The following EPB41L4A variants were observed in gnomAD, a reference collection of about 807,000 sequenced individuals.
EPB41L4A encodes the protein band 4.1-like protein 4A.
A neutral mutation model predicts 108.6 loss-of-function variants in EPB41L4A; 100 were observed. The observed-to-expected ratio is 0.92, with a 90% confidence interval of 0.78 to 1.09. The LOEUF (loss-of-function observed/expected upper bound fraction) is 1.09. EPB41L4A is among the 50% of genes least tolerant of loss of function. EPB41L4A has a pLI of 0.00. For synonymous variants in EPB41L4A, 319 were observed against 289.0 expected (o/e 1.10, Z -1.05); for missense variants, 1,030 against 842.7 (o/e 1.22, Z -2.75).
At chr5:112,261,822 C>T (rs983716958) in intron 7 of EPB41L4A, among the ~76,000 whole-genome samples, 17 of 151,352 alleles carry the variant, frequency 1.1e-4, no homozygotes, top group Admixed American at 7.2e-4. Context: ...TGTTTTGCTG[C>T]CATAAAATCT....
At chr5:112,277,988 T>C (rs1463448405) in intron 3 of EPB41L4A, among the ~76,000 whole-genome samples, 1 of 152,234 alleles carries the variant, frequency 6.6e-6, no homozygotes, top group Non-Finnish European at 1.5e-5. Flanking sequence ...GAATCCTCTA[T>C]ATTTTGTGTA....
At chr5:112,242,172 C>A (rs981504045) in intron 9 of EPB41L4A, among the ~76,000 whole-genome samples, 6 of 152,172 alleles carry the variant, frequency 3.9e-5, no homozygotes, top group Non-Finnish European at 8.8e-5. Flanking sequence ...AGAAAGATTT[C>A]TCTGCAGCAC....
intron 11 of EPB41L4A, among the ~76,000 whole-genome samples, chr5:112,239,067 G>T (rs1749580342): frequency 6.6e-6 from 1 of 152,150 alleles, no homozygotes; most frequent in Non-Finnish European, 1.5e-5. Flanking sequence ...CTGGAGAAGG[G>T]ACTTGACCTC....
At chr5:112,343,514 T>C (rs1757452959) in intron 1 of EPB41L4A, among the ~76,000 whole-genome samples, 1 of 152,092 alleles carries the variant, frequency 6.6e-6, no homozygotes, top group African/African-American at 2.4e-5. Context: ...ACACAGCAAG[T>C]ACTCAAGTTT....
intron 1 of EPB41L4A, among the ~76,000 whole-genome samples, chr5:112,330,555 C>A (rs1185758617): frequency 6.6e-6 from 1 of 151,966 alleles, no homozygotes; most frequent in African/African-American, 2.4e-5. Flanking sequence ...AAGTTATTAA[C>A]ATTATCAGAT....
chr5:112,255,008 T>C lies in EPB41L4A; in HGVS notation c.795+4221A>G, dbSNP rs993719341. 2.6e-5 allele frequency among the ~76,000 whole-genome samples: 4 copies of C among 152,072 alleles called. No individual in the cohort carries two copies. In the South Asian group the frequency reaches 8.3e-4, roughly 32 times the overall value. On this transcript the variant is annotated intron_variant, in intron 9 of 22. Transcript: ENST00000261486. ...GTCTTCTGTCTCCACTGTTCTTCCA[T>C]CTCTGAACCTAAAAGTGGGAAGGAT... is the stretch of plus-strand genomic sequence containing the variant.
In EPB41L4A at chr5:112,317,602, C is replaced by A. The variant is rs181150305; in HGVS notation, c.100-10112G>T. ...ATTAGTTTGTTATTTTTCATTTGCC[C>A]TTCTCTCACAATCATAGAGTTTTCT... is the stretch of plus-strand genomic sequence containing the variant. On this transcript the variant is annotated intron_variant, in intron 1 of 22. Coordinates refer to ENST00000261486, the MANE Select transcript of EPB41L4A (RefSeq NM_022140.5). 1.9e-3 allele frequency among the ~76,000 whole-genome samples: 295 copies of A among 152,192 alleles called. 1 individual carries two copies. The highest frequency in any genetic ancestry group is 2.7e-3 in the Admixed American group (41 of 15,294).
chr5:112,410,502 G>C (rs1363934928), intron 1 of EPB41L4A, among the ~76,000 whole-genome samples: 2 of 152,148 alleles, frequency 1.3e-5, no homozygotes, highest in Non-Finnish European at 2.9e-5. Flanking sequence ...AAACAATTTG[G>C]AAGATGTTTA....
chr5:112,276,458 T>C (rs1752636114), intron 3 of EPB41L4A, among the ~76,000 whole-genome samples: 1 of 152,224 alleles, frequency 6.6e-6, no homozygotes, highest in East Asian at 1.9e-4. Context: ...CAAAAGTGCA[T>C]ATTTCCAAGC....
At chr5:112,329,017 C>T (rs1756376172) in intron 1 of EPB41L4A, among the ~76,000 whole-genome samples, 1 of 152,168 alleles carries the variant, frequency 6.6e-6, no homozygotes, top group Non-Finnish European at 1.5e-5. Context: ...GCAACTTGAA[C>T]AGTGTGTGTT....
intron 12 of EPB41L4A, among the ~76,000 whole-genome samples, chr5:112,212,263 C>T (rs904510001): frequency 1.3e-5 from 2 of 151,400 alleles, no homozygotes; most frequent in Admixed American, 1.3e-4. Context: ...AGGTCCTAGA[C>T]AGTAGGTGTG....
chr5:112,188,790 G>C (rs559360015), intron 17 of EPB41L4A, among the ~76,000 whole-genome samples: 1 of 152,168 alleles, frequency 6.6e-6, no homozygotes, highest in South Asian at 2.1e-4. Context: ...CAAGCAAGAC[G>C]GAAGAAATGC....
At chr5:112,250,830 A>G (rs1750605627) in intron 9 of EPB41L4A, 1 of 152,142 alleles carries the variant, frequency 6.6e-6, no homozygotes, top group Non-Finnish European at 1.5e-5. Context: ...GGCCCAATAC[A>G]AAGGCAGTTC....
At chr5:112,198,085 G>A (rs1325093051) in intron 15 of EPB41L4A, among the ~76,000 whole-genome samples, 1 of 151,850 alleles carries the variant, frequency 6.6e-6, no homozygotes, top group East Asian at 1.9e-4. Context: ...CCAACCTGGA[G>A]TACAGTGGTG....
chr5:112,259,867 A>G (rs538307397), intron 8 of EPB41L4A, 24 bp downstream of exon 8: 1 of 1,581,446 alleles, frequency 6.3e-7, no homozygotes, highest in South Asian at 1.1e-5. Context: ...TAGAATGCCA[A>G]CTCTGTTCTC....
intron 1 of EPB41L4A, among the ~76,000 whole-genome samples, chr5:112,357,580 G>A (rs1041656076): frequency 2.0e-5 from 3 of 152,140 alleles, no homozygotes; most frequent in Non-Finnish European, 1.5e-5. Flanking sequence ...AAGCAAAAGT[G>A]GACTTCTACA....
At chr5:112,154,274 A>G (rs948967961) in intron 12 of EPB41L4A, among the ~76,000 whole-genome samples, 7 of 152,140 alleles carry the variant, frequency 4.6e-5, no homozygotes, top group African/African-American at 1.7e-4. Context: ...CAGTGAATAC[A>G]CTCTGTACAA....
At chr5:112,279,827 C>A (rs1265523180) in intron 3 of EPB41L4A, among the ~76,000 whole-genome samples, 1 of 152,078 alleles carries the variant, frequency 6.6e-6, no homozygotes, top group Admixed American at 6.5e-5. Flanking sequence ...CACAAAGGCA[C>A]CTCTTACTTA....
At chr5:112,300,299 T>C (rs1275854918) in intron 2 of EPB41L4A, among the ~76,000 whole-genome samples, 2 of 152,198 alleles carry the variant, frequency 1.3e-5, no homozygotes. Context: ...AGGATTTGTT[T>C]CAAGATTTGG....
Sources: gnomAD v4.1 joint callset for allele counts (sites outside exome capture counted in the v4.1 genomes callset) on GRCh38, gnomAD v4.1.1 for gene constraint, MANE v1.5 for transcripts, NCBI Gene and HGNC (gene_info 2026-07-23, HGNC 2026-07-21) for gene names.